Variants in DNAI1 observed in about 807,000 individuals in gnomAD.
DNAI1 encodes the protein dynein, axonemal, intermediate polypeptide 1.
DNAI1 carries 67 observed loss-of-function variants against 92.0 expected under a neutral mutation model. The ratio of observed to expected loss-of-function variants is 0.73; its 90% CI spans 0.60 to 0.89. DNAI1 has a LOEUF of 0.89. DNAI1 is among the 40% of genes least tolerant of loss of function. The pLI, the probability that DNAI1 is intolerant of heterozygous loss-of-function variation, is 0.00. For missense variants in DNAI1, 839 were observed against 866.6 expected, an observed-to-expected ratio of 0.97 and a Z score of 0.40; for synonymous variants, 323 against 319.6, an observed-to-expected ratio of 1.01 and a Z score of -0.11.
chr9:34,499,107 A>G (rs927888824), intron 10 of DNAI1, among the ~76,000 whole-genome samples: 1 of 152,336 alleles, frequency 6.6e-6, no homozygotes, highest in Admixed American at 6.5e-5. Context: ...GGAAAGTGTA[A>G]TCATGAAGGA....
At chr9:34,482,491 TAC>T (rs1488987383) in intron 1 of DNAI1, among the ~76,000 whole-genome samples, 6 of 147,890 alleles carry the variant, frequency 4.1e-5, no homozygotes, top group Admixed American at 6.7e-5. Context: ...TTGAGCTAGA[TAC>T]AGAGTGCTGA....
chr9:34,474,054 G>A (rs1824193082), intron 1 of DNAI1, among the ~76,000 whole-genome samples: 2 of 151,950 alleles, frequency 1.3e-5, no homozygotes, highest in South Asian at 4.2e-4. Context: ...ACTATTGTAC[G>A]ATAGTTATTC....
intron 12 of DNAI1, among the ~76,000 whole-genome samples, chr9:34,502,417 G>A (rs1030486644): frequency 6.6e-6 from 1 of 152,158 alleles, no homozygotes; most frequent in African/African-American, 2.4e-5. Context: ...CCAGGAGTGG[G>A]TGTGGACCCC....
At chr9:34,472,136 G>A (rs1824148541) in intron 1 of DNAI1, among the ~76,000 whole-genome samples, 1 of 152,150 alleles carries the variant, frequency 6.6e-6, no homozygotes, top group South Asian at 2.1e-4. Flanking sequence ...AATAATGACA[G>A]CCAAAATGTC....
rs149809767 is a variant in DNAI1, at chr9:34,487,373, G to A, written c.261+1856G>A. On this transcript the variant is annotated intron_variant, in intron 4 of 19. Transcript: ENST00000242317. Reference sequence around the variant, plus strand: ...GCTAATTTTTTGTATTTTTAGTGGAGACTGGGTTTCACCATGTTAGCCAGG... The same window carrying A: ...GCTAATTTTTTGTATTTTTAGTGGAAACTGGGTTTCACCATGTTAGCCAGG... Among the ~76,000 whole-genome samples, 446 of 152,132 alleles carry A rather than the reference G, an allele frequency of 2.9e-3. 1 individual carries two copies. The highest frequency in any genetic ancestry group is 5.5e-3 in the Non-Finnish European group (377 of 68,004).
chr9:34,497,612 C>CA (rs1290837599), intron 10 of DNAI1, among the ~76,000 whole-genome samples: 1 of 152,246 alleles, frequency 6.6e-6, no homozygotes, highest in East Asian at 1.9e-4. Flanking sequence ...GTCCTCTACT[C>CA]AGAGCACCTT....
At chr9:34,492,822 A>AT (rs149132900) in intron 8 of DNAI1, among the ~76,000 whole-genome samples, 3,316 of 151,720 alleles carry the variant, frequency 0.022, 94 homozygotes, top group East Asian at 0.12. Flanking sequence ...TGCCTGGCCT[A>AT]TTTTTTTAAA....
intron 1 of DNAI1, among the ~76,000 whole-genome samples, chr9:34,469,616 C>G (rs1246437462): frequency 6.6e-6 from 1 of 151,970 alleles, no homozygotes; most frequent in African/African-American, 2.4e-5. Context: ...CTTACTCTGT[C>G]GACCAGGCTG....
chr9:34,513,093 C>T lies in DNAI1; in HGVS notation c.1490-19C>T, dbSNP rs1825101585. 2 of 1,609,944 alleles carry T rather than the reference C, an allele frequency of 1.2e-6. No individual in the cohort carries two copies. The highest frequency in any genetic ancestry group is 2.2e-5 in the South Asian group (2 of 90,984). ...CCTCTTGGAACTGGGCTAAGCCTGC[C>T]CCTCCCTCTTTTCCCAAGGTTGTGG... On this transcript the variant is annotated intron_variant, in intron 15 of 19. Transcript: ENST00000242317.
At chr9:34,486,270 A>G (rs1221612453) in intron 4 of DNAI1, among the ~76,000 whole-genome samples, 1 of 152,162 alleles carries the variant, frequency 6.6e-6, no homozygotes, top group South Asian at 2.1e-4. Context: ...GGTTTTTTAC[A>G]TAAAATATCT....
chr9:34,514,576 C>T, intron 17 of DNAI1, 34 bp downstream of exon 17: 2 of 1,614,242 alleles, frequency 1.2e-6, no homozygotes, highest in Non-Finnish European at 1.7e-6. Flanking sequence ...GCCTGGGGCC[C>T]TCCCCTGGGC....
chr9:34,466,809 T>A (rs747748982), intron 1 of DNAI1, among the ~76,000 whole-genome samples: 3 of 152,246 alleles, frequency 2.0e-5, no homozygotes, highest in Non-Finnish European at 2.9e-5. Context: ...ATTTCCCAAC[T>A]GGCCAGATTT....
At chr9:34,467,196 C>A (rs2132041265) in intron 1 of DNAI1, among the ~76,000 whole-genome samples, 1 of 152,212 alleles carries the variant, frequency 6.6e-6, no homozygotes, top group East Asian at 1.9e-4. Context: ...TCTTCTAGTC[C>A]AATGCTTTCA....
intron 1 of DNAI1, among the ~76,000 whole-genome samples, chr9:34,469,027 G>A (rs4879795): frequency 0.47 from 70,999 of 151,714 alleles, 17,919 homozygotes; most frequent in African/African-American, 0.65. Flanking sequence ...AAAGTTTTCT[G>A]AACTTGGTGG....
chr9:34,503,208 A>T (rs930788798), intron 12 of DNAI1, among the ~76,000 whole-genome samples: 1 of 152,210 alleles, frequency 6.6e-6, no homozygotes, highest in Non-Finnish European at 1.5e-5. Flanking sequence ...CCACCTGCAG[A>T]GGCCTGAATA....
At chr9:34,486,636 C>T (rs1347785797) in intron 4 of DNAI1, among the ~76,000 whole-genome samples, 1 of 152,012 alleles carries the variant, frequency 6.6e-6, no homozygotes, top group African/African-American at 2.4e-5. Flanking sequence ...AGATTTAATT[C>T]ATATACTATA....
intron 13 of DNAI1, among the ~76,000 whole-genome samples, chr9:34,507,425 G>T (rs1274058031): frequency 6.6e-6 from 1 of 152,130 alleles, no homozygotes; most frequent in Non-Finnish European, 1.5e-5. Flanking sequence ...ATGTTATTAG[G>T]AAAATCATAA....
In DNAI1 at chr9:34,520,781, A is replaced by G. The variant is rs1825267436; in HGVS notation, c.*25A>G. On this transcript the variant is annotated 3_prime_UTR_variant, in exon 20 of 20. Transcript: ENST00000242317. ...AGGGGCTGGCCTCAGTCTCTGTCCC[A>G]TCGCTTGAATACAGTACTCCTAGGG... 3 of 1,549,586 alleles carry G rather than the reference A, an allele frequency of 1.9e-6. No individual in the cohort carries two copies. Among genetic ancestry groups the G allele is most frequent in the Non-Finnish European group, 1.7e-6 (2 of 1,145,264 alleles).
chr9:34,478,347 A>G (rs1282696678), intron 1 of DNAI1, among the ~76,000 whole-genome samples: 1 of 152,196 alleles, frequency 6.6e-6, no homozygotes, highest in African/African-American at 2.4e-5. Flanking sequence ...TGGAGAGGTC[A>G]AGGATATTGA....
Sources: gnomAD v4.1 joint callset for allele counts (sites outside exome capture counted in the v4.1 genomes callset) on GRCh38, gnomAD v4.1.1 for gene constraint, MANE v1.5 for transcripts, NCBI Gene and HGNC (gene_info 2026-07-23, HGNC 2026-07-21) for gene names.